The following GALNT18 variants were observed in gnomAD, a reference collection of about 807,000 sequenced individuals.
GALNT18 encodes GalNAc-transferase 18.
Under a neutral mutation model 69.5 loss-of-function variants are expected in GALNT18, and 44 were observed. That is an observed-to-expected ratio of 0.63 (90% CI 0.50 to 0.81). The LOEUF (loss-of-function observed/expected upper bound fraction) is 0.81. Ranked by LOEUF, GALNT18 falls within the 40% of genes least tolerant of loss-of-function variation. The pLI, the probability that GALNT18 is intolerant of heterozygous loss-of-function variation, is 0.00. For synonymous variants in GALNT18, 364 were observed against 318.2 expected (o/e 1.14, Z -1.53); for missense variants, 715 against 810.0 (o/e 0.88, Z 1.42).
chr11:11,372,695 GC>G lies in GALNT18; in HGVS notation c.978-67del. On this transcript the variant is annotated intron_variant, in intron 5 of 10. Coordinates refer to ENST00000227756, the MANE Select transcript of GALNT18 (RefSeq NM_198516.3). The surrounding 1 kb of genome is among the most constrained non-coding windows in gnomAD (Gnocchi z 4.9). ...CTGTCCGAGGAGTAAGAGCAGTAAG[GC>G]CTTCCTATCAGGAGGGTCTGGTTCT... The G allele has an allele frequency of 8.1e-7, 1 of 1,241,650 alleles. No individual in the cohort carries two copies. Among genetic ancestry groups the G allele is most frequent in the Non-Finnish European group, 1.2e-6 (1 of 853,672 alleles). The allele number at this position is 1,241,650 out of a possible 1,614,324, so 76.9% of individuals were successfully genotyped here. A position where few individuals can be genotyped will look rare whatever the true frequency, so the allele number is the denominator to read the frequency against.
intron 6 of GALNT18, among the ~76,000 whole-genome samples, chr11:11,371,960 G>A (rs527828604): frequency 6.6e-4 from 101 of 152,294 alleles, no homozygotes; most frequent in South Asian, 3.5e-3. Flanking sequence ...GGAGAATGGC[G>A]TGAGGCAGGA....
chr11:11,441,664 G>A (rs1399768570), intron 2 of GALNT18, among the ~76,000 whole-genome samples: 1 of 152,190 alleles, frequency 6.6e-6, no homozygotes, highest in African/African-American at 2.4e-5. Flanking sequence ...TTAAGCATTT[G>A]TACAGAACCT....
intron 10 of GALNT18, among the ~76,000 whole-genome samples, chr11:11,274,941 C>A (rs542819283): frequency 6.6e-6 from 1 of 152,268 alleles, no homozygotes; most frequent in African/African-American, 2.4e-5. Context: ...TTTATCCAGT[C>A]TAGTGTTGAT....
At chr11:11,274,200 C>A (rs951072251) in intron 10 of GALNT18, among the ~76,000 whole-genome samples, 2 of 152,184 alleles carry the variant, frequency 1.3e-5, no homozygotes, top group African/African-American at 4.8e-5. Context: ...CAGACCAGGA[C>A]CAGGTGTCTA....
chr11:11,350,570 G>A (rs1228922181), intron 6 of GALNT18, among the ~76,000 whole-genome samples: 1 of 152,142 alleles, frequency 6.6e-6, no homozygotes, highest in Non-Finnish European at 1.5e-5. Context: ...GTCTCCAAAG[G>A]TGTGGCAGAG....
At chr11:11,547,577 C>T (rs1050701462) in intron 1 of GALNT18, among the ~76,000 whole-genome samples, 8 of 152,314 alleles carry the variant, frequency 5.3e-5, no homozygotes, top group Non-Finnish European at 8.8e-5. Flanking sequence ...CTCTTTGATA[C>T]CCATTCAGAA....
intron 10 of GALNT18, among the ~76,000 whole-genome samples, chr11:11,284,096 A>T (rs779067117): frequency 4.6e-5 from 7 of 152,188 alleles, no homozygotes; most frequent in Non-Finnish European, 8.8e-5. Flanking sequence ...CACTTGCAAA[A>T]GGAGACAGAG....
At chr11:11,388,879 T>A (rs1436441098) in intron 3 of GALNT18, among the ~76,000 whole-genome samples, 1 of 152,244 alleles carries the variant, frequency 6.6e-6, no homozygotes, top group African/African-American at 2.4e-5. Context: ...CTAATGCTTA[T>A]TTATTTATCA....
chr11:11,423,309 AAC>A (rs1375453815), intron 3 of GALNT18, among the ~76,000 whole-genome samples: 1 of 152,238 alleles, frequency 6.6e-6, no homozygotes, highest in Non-Finnish European at 1.5e-5. Flanking sequence ...TGCATACATG[AAC>A]AGAGTACTTG....
rs1850326073 is a variant in GALNT18, at chr11:11,347,605, ATCT to A, written c.1093-6604_1093-6602del. ...AGATCTCAGATACTGTGCAGCTTTC[ATCT>A]TCTTATGACTTTTAATGAGCTCTTT... is the stretch of plus-strand genomic sequence containing the variant. On this transcript the variant is annotated intron_variant, in intron 6 of 10. Transcript: ENST00000227756. The surrounding 1 kb of genome is among the most constrained non-coding windows in gnomAD (Gnocchi z 4.0). 1.3e-5 allele frequency among the ~76,000 whole-genome samples: 2 copies of A among 152,116 alleles called. No individual in the cohort carries two copies. The highest frequency in any genetic ancestry group is 4.8e-5 in the African/African-American group (2 of 41,394).
Position 11,620,558 on chromosome 11 carries a change from G to A in GALNT18, c.235+801C>T, listed in dbSNP as rs1860166369. Among the ~76,000 whole-genome samples, 1 of 152,298 alleles carries A rather than the reference G, an allele frequency of 6.6e-6. No individual in the cohort carries two copies. The highest frequency in any genetic ancestry group is 1.5e-5 in the Non-Finnish European group (1 of 68,024). The stretch of plus-strand genomic sequence containing the variant: ...CCGGCTGCTCCCAGGGCCTGAGAGT[G>A]GAGCTACAGTAGGGATCGGCCTTCA... On this transcript the variant is annotated intron_variant, in intron 1 of 10. Transcript: ENST00000227756. The surrounding 1 kb of genome is among the most constrained non-coding windows in gnomAD (Gnocchi z 6.9).
Position 11,448,794 on chromosome 11 carries a change from G to A in GALNT18, c.378C>T (p.Leu126=). The part of the protein sequence containing the change: ...QFQYYGYNAY[L]SDRLPLDRPL... ...GCCGGTCCAGGGGCAGGCGGTCGCTGAGGTAGGCGTTGTAGCCGTAGTACT... is the reference window on the plus strand; with the variant it reads ...GCCGGTCCAGGGGCAGGCGGTCGCTAAGGTAGGCGTTGTAGCCGTAGTACT... Residue 126 remains leucine, a synonymous_variant, in exon 2 of 11, where the codon CTC becomes CTT. Transcript: ENST00000227756. The A allele has an allele frequency of 6.2e-7, 1 of 1,612,952 alleles. No homozygotes were observed. The highest frequency in any genetic ancestry group is 8.5e-7 in the Non-Finnish European group (1 of 1,179,804).
chr11:11,594,309 T>C (rs1312443282), intron 1 of GALNT18, among the ~76,000 whole-genome samples: 1 of 152,218 alleles, frequency 6.6e-6, no homozygotes, highest in Non-Finnish European at 1.5e-5. Flanking sequence ...TTAAGCTTTA[T>C]TGATATACAA....
In GALNT18 at chr11:11,340,974, G is replaced by A; in HGVS notation, c.1123C>T (p.Leu375=). Residue 375 remains leucine (L), a synonymous_variant, in exon 7 of 11, where the codon CTG becomes TTG. Transcript: ENST00000227756. The surrounding 1 kb of genome is among the most constrained non-coding windows in gnomAD (Gnocchi z 4.2). ...VWQCGGSVEV[L]PCSRIAHIER... Reference sequence around the variant, plus strand: ...ATGTGGGCAATCCGTGAGCAGGGCAGGACCTCCACACTCCCGCCACACTGC... The same window carrying A: ...ATGTGGGCAATCCGTGAGCAGGGCAAGACCTCCACACTCCCGCCACACTGC... 2 of 1,608,850 alleles carry A rather than the reference G, an allele frequency of 1.2e-6. No individual in the cohort carries two copies. Among genetic ancestry groups the A allele is most frequent in the Non-Finnish European group, 1.7e-6 (2 of 1,176,856 alleles).
In GALNT18 at chr11:11,613,082, G is replaced by A. The variant is rs1859952800; in HGVS notation, c.235+8277C>T. Among the ~76,000 whole-genome samples, 1 of 152,148 alleles carries A rather than the reference G, an allele frequency of 6.6e-6. No homozygotes were observed. The highest frequency in any genetic ancestry group is 2.4e-5 in the African/African-American group (1 of 41,434). On this transcript the variant is annotated intron_variant, in intron 1 of 10. Transcript: ENST00000227756. The surrounding 1 kb of genome is among the most constrained non-coding windows in gnomAD (Gnocchi z 4.2). Reference sequence around the variant, plus strand: ...TCCAAAAACTGAAATTGAATGTCAGGCAGTGAAAGAGAACTACATCTCAGT... The same window carrying A: ...TCCAAAAACTGAAATTGAATGTCAGACAGTGAAAGAGAACTACATCTCAGT...
At chr11:11,455,046 G>A (rs894565831) in intron 1 of GALNT18, among the ~76,000 whole-genome samples, 10 of 152,164 alleles carry the variant, frequency 6.6e-5, no homozygotes, top group East Asian at 1.9e-4. Flanking sequence ...CCCAGGGTGC[G>A]GGGAGCTGCA....
chr11:11,536,150 T>G (rs1857767737), intron 1 of GALNT18, among the ~76,000 whole-genome samples: 1 of 152,174 alleles, frequency 6.6e-6, no homozygotes, highest in Non-Finnish European at 1.5e-5. Flanking sequence ...ATCAAGACCT[T>G]GGGCTAAATT....
At chr11:11,279,045 C>T (rs367703775) in intron 10 of GALNT18, among the ~76,000 whole-genome samples, 19 of 152,164 alleles carry the variant, frequency 1.2e-4, no homozygotes, top group African/African-American at 3.9e-4. Flanking sequence ...CAGGTGGGGC[C>T]GGATCCCTCA....
Position 11,465,933 on chromosome 11 carries a change from C to T in GALNT18, c.236-16997G>A, listed in dbSNP as rs1856147098. 6.6e-6 allele frequency among the ~76,000 whole-genome samples: 1 copy of T among 152,166 alleles called. No homozygotes were observed. The highest frequency in any genetic ancestry group is 2.4e-5 in the African/African-American group (1 of 41,444). ...CTCAACATAGGGGGTAGGAAGGTCT[C>T]CCAGATGTGGATGTGAGCCAAAGTC... On this transcript the variant is annotated intron_variant, in intron 1 of 10. Coordinates refer to ENST00000227756, the MANE Select transcript of GALNT18 (RefSeq NM_198516.3). The surrounding 1 kb of genome is among the most constrained non-coding windows in gnomAD (Gnocchi z 5.7).
Sources: gnomAD v4.1 joint callset for allele counts (sites outside exome capture counted in the v4.1 genomes callset) on GRCh38, gnomAD v4.1.1 for gene constraint, Gnocchi (gnomAD v3.1) non-coding constraint, MANE v1.5 for transcripts, NCBI Gene and HGNC (gene_info 2026-07-23, HGNC 2026-07-21) for gene names.